TIA1: variants seen among roughly 807,000 people sequenced by gnomAD.
TIA1 encodes the protein TIA1 cytotoxic granule associated RNA binding protein, also known as cytotoxic granule associated RNA binding protein TIA1.
Under a neutral mutation model 65.9 loss-of-function variants are expected in TIA1, and 23 were observed. The ratio of observed to expected loss-of-function variants is 0.35; its 90% CI spans 0.25 to 0.49. TIA1 has a LOEUF of 0.49. Ranked by LOEUF, TIA1 falls within the 20% of genes least tolerant of loss-of-function variation. The pLI is 0.98. For missense variants in TIA1, 371 were observed against 477.9 expected, an observed-to-expected ratio of 0.78 and a Z score of 2.09; for synonymous variants, 147 against 149.4, an observed-to-expected ratio of 0.98 and a Z score of 0.12.
intron 6 of TIA1, chr2:70,225,226 T>C: frequency 1.8e-6 from 2 of 1,098,028 alleles, no homozygotes; most frequent in Non-Finnish European, 2.2e-6. Context: ...CAAGAAAAGA[T>C]TTTACACTGA....
At chr2:70,243,214 C>T (rs1692689660) in intron 1 of TIA1, among the ~76,000 whole-genome samples, 1 of 152,106 alleles carries the variant, frequency 6.6e-6, no homozygotes, top group South Asian at 2.1e-4. Context: ...TCGCTTGAGC[C>T]CAGGAGTTGG....
intron 2 of TIA1, among the ~76,000 whole-genome samples, chr2:70,235,562 GTGTGTGTGTA>G (rs1688501580): frequency 6.6e-6 from 1 of 151,942 alleles, no homozygotes; most frequent in African/African-American, 2.4e-5. Context: ...GTGTGTGTGT[GTGTGTGTGTA>G]TGTGTGTGTG....
In TIA1 at chr2:70,229,084, G is replaced by C; in HGVS notation, c.285C>G (p.Thr95=). The stretch of plus-strand genomic sequence containing the variant: ...CTTGTGAACGCTGTGTGCTGACAAC[G>C]GTACTACCTGATGACAAAGATTAGA... ...SSQKKDTSSS[T]VVSTQRSQDH... Residue 95 remains threonine, a synonymous_variant, in exon 5 of 13, where the codon ACC becomes ACG. Coordinates refer to ENST00000433529, the MANE Select transcript of TIA1 (RefSeq NM_022173.4). 6.2e-7 allele frequency: 1 copy of C among 1,612,342 alleles called. No individual in the cohort carries two copies. The highest frequency in any genetic ancestry group is 8.5e-7 in the Non-Finnish European group (1 of 1,179,520).
At chr2:70,218,136 T>TA (rs1679487310) in intron 7 of TIA1, among the ~76,000 whole-genome samples, 2 of 152,136 alleles carry the variant, frequency 1.3e-5, no homozygotes, top group Admixed American at 1.3e-4. Context: ...AAGGCTGAGA[T>TA]AGAGAATATG....
At chr2:70,228,803 T>C (rs1684848848) in intron 5 of TIA1, 12 of 1,376,966 alleles carry the variant, frequency 8.7e-6, no homozygotes, top group Non-Finnish European at 1.1e-5. Context: ...GGAGGGTATT[T>C]TGCCCCTTAG....
At chr2:70,229,754 C>T (rs903072156) in intron 3 of TIA1, among the ~76,000 whole-genome samples, 1 of 152,068 alleles carries the variant, frequency 6.6e-6, no homozygotes. Flanking sequence ...GCCTGGCCAT[C>T]AGAGTGAAAC....
intron 6 of TIA1, among the ~76,000 whole-genome samples, chr2:70,225,879 A>AT (rs1173457276): frequency 6.6e-6 from 1 of 152,138 alleles, no homozygotes; most frequent in African/African-American, 2.4e-5. Flanking sequence ...AAAATACCAT[A>AT]TTTTTTATAC....
At chr2:70,229,647 G>A (rs116747941) in intron 3 of TIA1, among the ~76,000 whole-genome samples, 1,688 of 152,168 alleles carry the variant, frequency 0.011, 17 homozygotes, top group African/African-American at 0.038. Context: ...AATCCACCAT[G>A]GAAAATACTA....
At chr2:70,239,714 G>T (rs941199656) in intron 1 of TIA1, among the ~76,000 whole-genome samples, 2 of 152,210 alleles carry the variant, frequency 1.3e-5, no homozygotes, top group Non-Finnish European at 2.9e-5. Flanking sequence ...GAAATGCTGA[G>T]TCTTAATAAC....
chr2:70,239,854 G>T (rs1690897156), intron 1 of TIA1, among the ~76,000 whole-genome samples: 1 of 152,176 alleles, frequency 6.6e-6, no homozygotes. Context: ...AAAAGAGACA[G>T]AATTAAGCAT....
chr2:70,236,314 T>C, intron 1 of TIA1, 139 bp from the exon 2 acceptor site: 1 of 538,940 alleles, frequency 1.9e-6, no homozygotes, highest in Non-Finnish European at 3.3e-6. Flanking sequence ...TTCCCCTGCC[T>C]CAGCCTCCCC....
At chr2:70,227,946 CACT>C in intron 5 of TIA1, 124 bp from the exon 6 acceptor site, 1 of 609,916 alleles carries the variant, frequency 1.6e-6, no homozygotes, top group Middle Eastern at 4.8e-4. Context: ...ATAAATAAAA[CACT>C]ATCCTATATC....
chr2:70,224,939 C>A (rs1573425519), intron 6 of TIA1: 1 of 1,092,064 alleles, frequency 9.2e-7, no homozygotes, highest in Non-Finnish European at 1.1e-6. Flanking sequence ...ACTACTTAAC[C>A]ACTTATAAAG....
rs1325683910 is a variant in TIA1, at chr2:70,248,543, G to C, written c.-113C>G. On this transcript the variant is annotated 5_prime_UTR_variant, in exon 1 of 13. Transcript: ENST00000433529. Reference sequence around the variant, plus strand: ...TAGTGGGGTTTCTCGGCTGACCAGAGGTTACTCCGCCTCCTCCTCCGGCGG... The same window carrying C: ...TAGTGGGGTTTCTCGGCTGACCAGACGTTACTCCGCCTCCTCCTCCGGCGG... 6.6e-7 allele frequency: 1 copy of C among 1,514,096 alleles called. No individual in the cohort carries two copies. The highest frequency in any genetic ancestry group is 1.4e-5 in the African/African-American group (1 of 72,722). The allele number at this position is 1,514,096 out of a possible 1,614,324, so 93.8% of individuals were successfully genotyped here.
At chr2:70,247,594 A>G (rs1376562011) in intron 1 of TIA1, among the ~76,000 whole-genome samples, 1 of 152,252 alleles carries the variant, frequency 6.6e-6, no homozygotes, top group African/African-American at 2.4e-5. Context: ...AAGCCACACG[A>G]CAAAGAAAAT....
At chr2:70,214,597 C>T (rs1055291789) in intron 11 of TIA1, 103 bp from the exon 12 acceptor site, 1 of 486,600 alleles carries the variant, frequency 2.1e-6, no homozygotes. Flanking sequence ...GCCATCATTA[C>T]AATTAAAATG....
rs1681579778 is a variant in TIA1, at chr2:70,221,914, A to G, written c.474+2640T>C. 2.6e-5 allele frequency among the ~76,000 whole-genome samples: 4 copies of G among 152,046 alleles called. No individual in the cohort carries two copies. The South Asian group carries it at 8.3e-4, about 32-fold the overall frequency. ...GTGATTCCCCCACCTCTGCCTCTCA[A>G]GTAACTGGGACTACAGGTGTGTGCC... is the stretch of plus-strand genomic sequence containing the variant. On this transcript the variant is annotated intron_variant, in intron 7 of 12. Transcript: ENST00000433529.
At position 70,223,534 on chromosome 2, in the gene TIA1, G is replaced by A. The variant is rs1455417116; in HGVS notation, c.474+1020C>T. Among the ~76,000 whole-genome samples, 12 of 151,818 alleles carry A rather than the reference G, an allele frequency of 7.9e-5. 1 individual carries two copies. The highest frequency in any genetic ancestry group is 5.9e-4 in the Admixed American group (9 of 15,226). On this transcript the variant is annotated intron_variant, in intron 7 of 12. Transcript: ENST00000433529. ...CCTCCTGGATTTAAGTGATCCTCCCGCCTCAGCCCTGCAAGTAGCTGGGAC... is the reference window on the plus strand; with the variant it reads ...CCTCCTGGATTTAAGTGATCCTCCCACCTCAGCCCTGCAAGTAGCTGGGAC...
intron 3 of TIA1, 81 bp from the exon 4 acceptor site, chr2:70,229,399 GAT>G: frequency 8.2e-7 from 1 of 1,213,188 alleles, no homozygotes; most frequent in South Asian, 1.3e-5. Flanking sequence ...CACATAGGAA[GAT>G]ATCTGTTTAA....
Sources: gnomAD v4.1 joint callset for allele counts (sites outside exome capture counted in the v4.1 genomes callset) on GRCh38, gnomAD v4.1.1 for gene constraint, MANE v1.5 for transcripts, NCBI Gene and HGNC (gene_info 2026-07-23, HGNC 2026-07-21) for gene names.